Variants in LSS observed in about 807,000 individuals in gnomAD.
LSS encodes 2,3-epoxysqualene-lanosterol cyclase.
A neutral mutation model predicts 110.3 loss-of-function variants in LSS; 90 were observed. The observed-to-expected ratio is 0.82, with a 90% CI of 0.69 to 0.97. The LOEUF (loss-of-function observed/expected upper bound fraction) is 0.97, where lower values mean the gene tolerates loss of function less well. Among genes scored for constraint, LSS ranks in the 50% least tolerant of loss-of-function variants. The pLI, the probability that LSS is intolerant of heterozygous loss-of-function variation, is 0.00. For synonymous variants in LSS, 433 were observed against 400.0 expected (o/e 1.08, Z -0.98); for missense variants, 927 against 990.0 (o/e 0.94, Z 0.85).
At chr21:46,208,929 A>T (rs1215742467) in intron 13 of LSS, among the ~76,000 whole-genome samples, 1 of 152,144 alleles carries the variant, frequency 6.6e-6, no homozygotes, top group Admixed American at 6.5e-5. Flanking sequence ...AGCTGAAGGG[A>T]GGGAGACGGG....
rs1045736242 is a variant in LSS at position 46,188,763 on chromosome 21, G to C, written c.*2341C>G. On this transcript the variant is annotated 3_prime_UTR_variant, in exon 22 of 22. Transcript: ENST00000397728. ...GCAGGGATACTGACACTGAAGTCCT[G>C]CCTGTGTAATAACACCGAAGAGGGC... 2.1e-6 allele frequency: 1 copy of C among 471,348 alleles called. No individual in the cohort carries two copies. The highest frequency in any genetic ancestry group is 2.3e-5 in the Admixed American group (1 of 42,588). The allele number at this position is 471,348 out of a possible 1,614,324, so 29.2% of individuals were successfully genotyped here.
rs1009261602 is a variant in LSS at position 46,191,951 on chromosome 21, T to G, written c.1997A>C (p.Asp666Ala). 2.5e-6 allele frequency: 4 copies of G among 1,613,148 alleles called. No individual in the cohort carries two copies. The highest frequency in any genetic ancestry group is 2.5e-6 in the Non-Finnish European group (3 of 1,179,508). The change falls in exon 21 of 22, where the codon GAC (aspartate) becomes GCC (alanine). Residue 666 changes from aspartate to alanine, a missense_variant. Asp to Ala is a moderately radical substitution (Grantham distance 126, BLOSUM62 -2). Coordinates refer to ENST00000397728, the MANE Select transcript of LSS (RefSeq NM_002340.6). ...MMGLMAVRHP[D>A]IEAQERGVRC... is the part of the protein sequence containing the mutation. Reference sequence around the variant, plus strand: ...GACTCCTCTCTCCTGGGCCTCGATGTCAGGATGCCTGGTGGAAGAGAAGGC... The same window carrying G: ...GACTCCTCTCTCCTGGGCCTCGATGGCAGGATGCCTGGTGGAAGAGAAGGC...
chr21:46,211,583 T>C (rs917738202), intron 11 of LSS, among the ~76,000 whole-genome samples: 9 of 152,118 alleles, frequency 5.9e-5, no homozygotes, highest in African/African-American at 2.2e-4. Context: ...GAGACAGAGC[T>C]GGGCACTGAC....
In LSS at chr21:46,190,963, C is replaced by A; in HGVS notation, c.*141G>T. 4.0e-6 allele frequency: 4 copies of A among 990,962 alleles called. No homozygotes were observed. Among genetic ancestry groups the A allele is most frequent in the Non-Finnish European group, 5.9e-6 (4 of 677,964 alleles). 61.4% of individuals were successfully genotyped at this position (990,962 alleles called of 1,614,324 possible). The stretch of plus-strand genomic sequence containing the variant: ...CCCTGTCCCCATCCCTGCCTCCAGC[C>A]TGGCCCCCAGATTCACATCTATGAG... On this transcript the variant is annotated 3_prime_UTR_variant, in exon 22 of 22. Transcript: ENST00000397728. The surrounding 1 kb of genome is among the most constrained non-coding windows in gnomAD (Gnocchi z 4.6).
intron 14 of LSS, 39 bp from the exon 15 acceptor site, chr21:46,207,616 C>A (rs374315320): frequency 2.5e-6 from 4 of 1,592,776 alleles, no homozygotes; most frequent in Non-Finnish European, 3.4e-6. Flanking sequence ...TGGGGGTGTC[C>A]ACACCCCAGT....
intron 19 of LSS, 84 bp downstream of exon 19, chr21:46,195,592 A>C (rs886609126): frequency 1.0e-5 from 13 of 1,281,328 alleles, no homozygotes; most frequent in Non-Finnish European, 1.5e-5. Context: ...ACAAACCCTA[A>C]AACCAAATGT....
rs148436940 is a variant in LSS, at chr21:46,208,801, T to C, written c.1267-500A>G. On this transcript the variant is annotated intron_variant, in intron 13 of 21. Transcript: ENST00000397728. ...AGGCAGGAGCAGGAGCAGGCCACCA[T>C]TGGGCCAGGCACAGCAGGACAATGC... 6.6e-3 allele frequency among the ~76,000 whole-genome samples: 1,009 copies of C among 152,274 alleles called. 10 individuals are homozygous for C. The highest frequency in any genetic ancestry group is 0.011 in the Non-Finnish European group (764 of 68,006).
chr21:46,227,327 A>T, intron 3 of LSS: 1 of 559,720 alleles, frequency 1.8e-6, no homozygotes, highest in Non-Finnish European at 3.1e-6. Flanking sequence ...CTAGAGAACC[A>T]CTTGCTTCTC....
Position 46,191,015 on chromosome 21 carries a change from G to C in LSS, c.*89C>G. On this transcript the variant is annotated 3_prime_UTR_variant, in exon 22 of 22. Coordinates refer to ENST00000397728, the MANE Select transcript of LSS (RefSeq NM_002340.6). ...TAGAGGTTGAGGGGTTGGAGCCCAAGACAGGGTTATGGGAGGGCTCCCCAA... is the reference window on the plus strand; with the variant it reads ...TAGAGGTTGAGGGGTTGGAGCCCAACACAGGGTTATGGGAGGGCTCCCCAA... 2 of 1,499,618 alleles carry C rather than the reference G, an allele frequency of 1.3e-6. No individual in the cohort carries two copies. Among genetic ancestry groups the C allele is most frequent in the Non-Finnish European group, 1.8e-6 (2 of 1,094,462 alleles). 92.9% of individuals were successfully genotyped at this position (1,499,618 alleles called of 1,614,324 possible). A position where few individuals can be genotyped will look rare whatever the true frequency, so the allele number is the denominator to read the frequency against.
rs2080280847 is a variant in LSS, at chr21:46,221,685, G to A, written c.550+169C>T. ...CTCTTAATTTGCTTTTTTAAAAAAT[G>A]ATGCCTAGGTTAAACAGTGTCTGCC... On this transcript the variant is annotated intron_variant, in intron 5 of 21. Coordinates refer to ENST00000397728, the MANE Select transcript of LSS (RefSeq NM_002340.6). 25 of 954,392 alleles carry A rather than the reference G, an allele frequency of 2.6e-5. 1 individual carries two copies. In the South Asian group the frequency reaches 4.3e-4, roughly 16 times the overall value. 59.1% of individuals were successfully genotyped at this position (954,392 alleles called of 1,614,324 possible).
chr21:46,213,924 C>T, intron 9 of LSS, 89 bp from the exon 10 acceptor site: 3 of 918,394 alleles, frequency 3.3e-6, no homozygotes, highest in South Asian at 2.8e-5. Flanking sequence ...CAGCAGCCCC[C>T]AGGCATAAAG....
intron 3 of LSS, chr21:46,225,509 G>A (rs1046720828): frequency 5.1e-5 from 21 of 415,044 alleles, no homozygotes; most frequent in South Asian, 1.7e-4. Context: ...TCTTGTGGAC[G>A]GCCTGACATC....
chr21:46,210,240 G>A (rs1437203181), intron 12 of LSS, among the ~76,000 whole-genome samples: 1 of 151,792 alleles, frequency 6.6e-6, no homozygotes, highest in Non-Finnish European at 1.5e-5. Context: ...TAATTTTTGT[G>A]TACTTTTAGT....
chr21:46,227,395 G>T, intron 3 of LSS, 157 bp downstream of exon 3: 1 of 847,158 alleles, frequency 1.2e-6, no homozygotes, highest in Non-Finnish European at 1.8e-6. Context: ...TAGACCAATA[G>T]CAGGACGACT....
At chr21:46,191,326 G>GC in intron 21 of LSS, 91 bp from the exon 22 acceptor site, 1 of 1,455,044 alleles carries the variant, frequency 6.9e-7, no homozygotes, top group Admixed American at 1.7e-5. Context: ...GGCTTGGCTG[G>GC]CTTGTGGGTG....
intron 14 of LSS, 117 bp from the exon 15 acceptor site, chr21:46,207,694 C>A: frequency 8.1e-7 from 1 of 1,236,522 alleles, no homozygotes; most frequent in Non-Finnish European, 1.1e-6. Context: ...GGCAGGGGCC[C>A]AGCCACCAAA....
chr21:46,209,668 C>T lies in LSS; in HGVS notation c.1195-43G>A, dbSNP rs74449964. The stretch of plus-strand genomic sequence containing the variant: ...ACAGAGAGGCTCAGCTGCCCTTGCA[C>T]GGCCAGCATGGCTGCGCTGGTTTCC... On this transcript the variant is annotated intron_variant, in intron 12 of 21. Transcript: ENST00000397728. The surrounding 1 kb of genome is among the most constrained non-coding windows in gnomAD (Gnocchi z 4.4). The T allele has an allele frequency of 2.4e-3, 3,774 of 1,552,192 alleles. 108 individuals are homozygous for T. The African/African-American group carries it at 0.045, about 19-fold the overall frequency.
chr21:46,210,140 C>T (rs368300552), intron 12 of LSS, among the ~76,000 whole-genome samples: 27 of 146,526 alleles, frequency 1.8e-4, no homozygotes, highest in East Asian at 1.2e-3. Context: ...AATCTCGGCT[C>T]GCTGCACCCT....
At chr21:46,210,326 A>G (rs1307896790) in intron 12 of LSS, among the ~76,000 whole-genome samples, 3 of 152,020 alleles carry the variant, frequency 2.0e-5, no homozygotes, top group Admixed American at 2.0e-4. Flanking sequence ...TCGGCCTCCC[A>G]AAGTGCTGGG....
Sources: gnomAD v4.1 joint callset for allele counts (sites outside exome capture counted in the v4.1 genomes callset) on GRCh38, gnomAD v4.1.1 for gene constraint, Gnocchi (gnomAD v3.1) non-coding constraint, MANE v1.5 for transcripts, NCBI Gene and HGNC (gene_info 2026-07-23, HGNC 2026-07-21) for gene names.